KDELR3: variants seen among roughly 807,000 people sequenced by gnomAD.
KDELR3 encodes ER lumen protein-retaining receptor 3.
In KDELR3, 26 loss-of-function variants were observed where a neutral mutation model predicts 22.7. That is an observed-to-expected ratio of 1.15 (90% CI 0.84 to 1.59). The LOEUF (loss-of-function observed/expected upper bound fraction) is 1.59. Among genes scored for constraint, KDELR3 ranks in the 40% most tolerant of loss-of-function variants. The pLI, the probability that KDELR3 is intolerant of heterozygous loss-of-function variation, is 0.00. For synonymous variants in KDELR3, 120 were observed against 98.2 expected (o/e 1.22, Z -1.31); for missense variants, 289 against 251.1 (o/e 1.15, Z -1.02).
At chr22:38,481,543 A>G (rs2089601337) in intron 4 of KDELR3, 79 bp downstream of exon 4, 3 of 1,593,814 alleles carry the variant, frequency 1.9e-6, no homozygotes, top group Non-Finnish European at 2.6e-6. Flanking sequence ...CAGCAGATAC[A>G]GATGTGAACA....
chr22:38,469,178 G>A (rs2089508085), intron 1 of KDELR3, among the ~76,000 whole-genome samples: 1 of 152,234 alleles, frequency 6.6e-6, no homozygotes. Context: ...GTCAATCCAG[G>A]AAGTGTGTGC....
chr22:38,469,450 G>T (rs2089510116), intron 1 of KDELR3, among the ~76,000 whole-genome samples: 1 of 152,240 alleles, frequency 6.6e-6, no homozygotes, highest in African/African-American at 2.4e-5. Flanking sequence ...ACAGAGCAGG[G>T]GGAGGCCTGG....
intron 4 of KDELR3, chr22:38,481,709 A>G: frequency 7.8e-7 from 1 of 1,284,364 alleles, no homozygotes; most frequent in Non-Finnish European, 1.0e-6. Context: ...CTTGGTTAGT[A>G]GTGAAAAACA....
chr22:38,473,257 T>A (rs2089536031), intron 1 of KDELR3, among the ~76,000 whole-genome samples: 1 of 151,926 alleles, frequency 6.6e-6, no homozygotes, highest in Non-Finnish European at 1.5e-5. Flanking sequence ...ACTCTGTCTC[T>A]ACAAAAATAA....
rs1213151074 is a variant in KDELR3 at position 38,483,279 on chromosome 22, G to A, written c.*743G>A. 6.6e-6 allele frequency: 1 copy of A among 152,176 alleles called. No individual in the cohort carries two copies. Among genetic ancestry groups the A allele is most frequent in the Non-Finnish European group, 1.5e-5 (1 of 68,040 alleles). The allele number at this position is 152,176 out of a possible 1,614,324, so 9.4% of individuals were successfully genotyped here. ...CTTACCTACTAGGTATCCTGCTAGG[G>A]TTTTCAATTCCAATTCTTGTATTAA... On this transcript the variant is annotated 3_prime_UTR_variant, in exon 5 of 5. Coordinates refer to ENST00000216014, the MANE Select transcript of KDELR3 (RefSeq NM_006855.4).
intron 2 of KDELR3, among the ~76,000 whole-genome samples, chr22:38,477,307 G>A (rs759524152): frequency 1.1e-4 from 17 of 150,274 alleles, no homozygotes; most frequent in Admixed American, 2.0e-4. Context: ...AGGTTCAAGC[G>A]AATTCTCCTG....
rs760367193 is a variant in KDELR3, at chr22:38,468,214, C to T, written c.-20C>T. On this transcript the variant is annotated 5_prime_UTR_variant, in exon 1 of 5. Transcript: ENST00000216014. ...CCTAGAAGTTTGCTGGGCGCGGGCG[C>T]ACGACTGACTGGCTGGACCATGAAC... is the stretch of plus-strand genomic sequence containing the variant. The T allele has an allele frequency of 5.0e-6, 8 of 1,612,106 alleles. No individual in the cohort carries two copies. Among genetic ancestry groups the T allele is most frequent in the Middle Eastern group, 1.7e-4 (1 of 6,058 alleles).
At chr22:38,468,423 G>A in intron 1 of KDELR3, 99 bp downstream of exon 1, 2 of 957,930 alleles carry the variant, frequency 2.1e-6, no homozygotes, top group Non-Finnish European at 3.3e-6. Context: ...CTCAGGGTGG[G>A]GACTCCGGCG....
chr22:38,479,352 G>A (rs1233725148), intron 2 of KDELR3, among the ~76,000 whole-genome samples: 1 of 152,134 alleles, frequency 6.6e-6, no homozygotes, highest in African/African-American at 2.4e-5. Context: ...GGACGACAAG[G>A]GCACCTTTGT....
At chr22:38,471,038 T>G (rs1450335331) in intron 1 of KDELR3, among the ~76,000 whole-genome samples, 2 of 151,990 alleles carry the variant, frequency 1.3e-5, no homozygotes, top group Non-Finnish European at 2.9e-5. Context: ...CAGCTACTCA[T>G]GAGGCTGAGG....
At chr22:38,482,466 A>G (rs200251894) in intron 4 of KDELR3, 30 bp from the exon 5 acceptor site, 143 of 1,584,442 alleles carry the variant, frequency 9.0e-5, no homozygotes, top group Non-Finnish European at 1.1e-4. Flanking sequence ...TCAGATGGTA[A>G]ATTCTTATTT....
At chr22:38,470,789 T>A (rs545084827) in intron 1 of KDELR3, among the ~76,000 whole-genome samples, 69 of 152,232 alleles carry the variant, frequency 4.5e-4, no homozygotes, top group Non-Finnish European at 1.3e-4. Flanking sequence ...GTCCCGGGTC[T>A]CCATGTGCAG....
intron 4 of KDELR3, 146 bp from the exon 5 acceptor site, chr22:38,482,350 C>T (rs556253645): frequency 2.4e-5 from 16 of 678,702 alleles, no homozygotes; most frequent in Non-Finnish European, 4.2e-5. Flanking sequence ...CCATAGTCAA[C>T]CGGAGATGGA....
intron 1 of KDELR3, among the ~76,000 whole-genome samples, chr22:38,473,541 G>A (rs2089538085): frequency 6.6e-6 from 1 of 152,240 alleles, no homozygotes; most frequent in Admixed American, 6.5e-5. Flanking sequence ...ACACATAGGT[G>A]TCATGTGTGT....
chr22:38,479,876 G>A (rs994597575), intron 3 of KDELR3, 125 bp downstream of exon 3: 16 of 893,062 alleles, frequency 1.8e-5, no homozygotes, highest in East Asian at 1.2e-4. Flanking sequence ...TCAGTTATAA[G>A]TTGAGAAGAA....
chr22:38,476,370 C>T (rs1257450080), intron 2 of KDELR3, among the ~76,000 whole-genome samples: 1 of 152,002 alleles, frequency 6.6e-6, no homozygotes, highest in African/African-American at 2.4e-5. Flanking sequence ...CAGGCGCCTG[C>T]CACTGCGCCC....
chr22:38,471,660 G>C (rs1251387790), intron 1 of KDELR3, among the ~76,000 whole-genome samples: 1 of 152,092 alleles, frequency 6.6e-6, no homozygotes, highest in Non-Finnish European at 1.5e-5. Context: ...GTTCCTTCTT[G>C]CTCATTAAAA....
chr22:38,481,770 A>G (rs1315271036), intron 4 of KDELR3: 1 of 736,760 alleles, frequency 1.4e-6, no homozygotes, highest in East Asian at 4.1e-5. Context: ...GGTGTGATGG[A>G]CAAAAAGCCT....
At chr22:38,480,540 G>C (rs1407209787) in intron 3 of KDELR3, among the ~76,000 whole-genome samples, 2 of 151,832 alleles carry the variant, frequency 1.3e-5, no homozygotes, top group African/African-American at 4.8e-5. Context: ...GAGGTCAGGA[G>C]ATCGAGACCA....
Sources: allele counts gnomAD v4.1 joint callset (sites outside exome capture counted in the v4.1 genomes callset), GRCh38; gene constraint gnomAD v4.1.1; transcripts MANE v1.5; gene names NCBI Gene and HGNC (gene_info 2026-07-23, HGNC 2026-07-21).